Variants in ACSM3 observed in about 807,000 individuals in gnomAD.
The protein encoded by ACSM3 is acyl-coenzyme A synthetase ACSM3, mitochondrial.
In ACSM3, 61 loss-of-function variants were observed where a neutral mutation model predicts 74.1. The observed-to-expected ratio is 0.82, with a 90% CI of 0.67 to 1.02. ACSM3 has a LOEUF of 1.02. ACSM3 is among the 50% of genes least tolerant of loss of function. The pLI is 0.00. For synonymous variants in ACSM3, 213 were observed against 241.5 expected (o/e 0.88, Z 1.09); for missense variants, 660 against 697.0 (o/e 0.95, Z 0.60).
chr16:20,708,249 T>C (rs2079733326), intron 1 of ACSM3, among the ~76,000 whole-genome samples: 1 of 152,094 alleles, frequency 6.6e-6, no homozygotes, highest in African/African-American at 2.4e-5. Flanking sequence ...TGCAGTGAGC[T>C]GAGATCACGC....
At chr16:20,699,616 AG>A (rs1178366574) in intron 1 of ACSM3, among the ~76,000 whole-genome samples, 2 of 152,168 alleles carry the variant, frequency 1.3e-5, no homozygotes, top group African/African-American at 4.8e-5. Context: ...CTGTTACTAA[AG>A]AGAAGGAGCA....
chr16:20,704,293 C>G (rs775628999), intron 1 of ACSM3, among the ~76,000 whole-genome samples: 1 of 152,104 alleles, frequency 6.6e-6, no homozygotes, highest in Non-Finnish European at 1.5e-5. Context: ...AGTATTATTA[C>G]TACGTTTTTA....
upstream of ACSM3, among the ~76,000 whole-genome samples, chr16:20,759,348 G>C (rs1054085941): frequency 1.3e-5 from 2 of 152,140 alleles, no homozygotes; most frequent in African/African-American, 4.8e-5. Context: ...ATGAGGTCAG[G>C]AGATCGAGAC....
chr16:20,683,713 C>CTT (rs1337143481), intron 1 of ACSM3, among the ~76,000 whole-genome samples: 14 of 117,168 alleles, frequency 1.2e-4, no homozygotes, highest in Middle Eastern at 3.9e-3. Flanking sequence ...CTCTCTCTCT[C>CTT]TCTCTTTCTT....
chr16:20,776,018 G>A lies in ACSM3; in HGVS notation c.399G>A (p.Trp133Ter), dbSNP rs1466331549. The change falls in exon 3 of 14, where the codon TGG (tryptophan) becomes TGA (stop). Residue 133 changes from tryptophan (W) to a stop codon, truncating the protein, a stop_gained. Transcript: ENST00000289416. LOFTEE classifies it high-confidence loss of function. ...VILILPRVPE[W>*]WLANVACLRT... The stretch of plus-strand genomic sequence containing the variant: ...TGATTCTGCCCAGGGTCCCAGAGTG[G>A]TGGCTTGCAAATGTGGCCTGTCTGC... 1.2e-6 allele frequency: 2 copies of A among 1,614,196 alleles called. No individual in the cohort carries two copies.
At chr16:20,681,578 A>G (rs1047832264) in intron 1 of ACSM3, 3 of 152,242 alleles carry the variant, frequency 2.0e-5, no homozygotes, top group African/African-American at 4.8e-5. Context: ...AGAGGCAGTA[A>G]TAACTCAACA....
intron 1 of ACSM3, among the ~76,000 whole-genome samples, chr16:20,695,050 ACTC>A (rs2079682244): frequency 6.6e-6 from 1 of 152,306 alleles, no homozygotes; most frequent in South Asian, 2.1e-4. Flanking sequence ...AAACCAATGT[ACTC>A]CTCTTGATCA....
upstream of ACSM3, among the ~76,000 whole-genome samples, chr16:20,760,171 G>A (rs2080065684): frequency 6.6e-6 from 1 of 152,158 alleles, no homozygotes; most frequent in African/African-American, 2.4e-5. Context: ...TCATATAACA[G>A]ATAGCAGGCC....
intron 1 of ACSM3, among the ~76,000 whole-genome samples, chr16:20,708,579 A>T (rs1860269782): frequency 6.6e-6 from 1 of 152,170 alleles, no homozygotes; most frequent in South Asian, 2.1e-4. Flanking sequence ...ATACCTGCAG[A>T]CTGGAAACTA....
chr16:20,730,205 TA>T (rs2079822133), intron 1 of ACSM3, among the ~76,000 whole-genome samples: 1 of 152,064 alleles, frequency 6.6e-6, no homozygotes, highest in South Asian at 2.1e-4. Flanking sequence ...CAGTAGCTAC[TA>T]AAAAGGGGGA....
At position 20,797,075 on chromosome 16, in the gene ACSM3, T is replaced by C. The variant is rs1437242069; in HGVS notation, c.*103T>C. On this transcript the variant is annotated 3_prime_UTR_variant, in exon 14 of 14. Transcript: ENST00000289416. Reference sequence around the variant, plus strand: ...GGTCATAAAAACTGTGGTAGTATGCTTAGAAACTGTTGATTTAAAATATCT... The same window carrying C: ...GGTCATAAAAACTGTGGTAGTATGCCTAGAAACTGTTGATTTAAAATATCT... 9 of 1,449,264 alleles carry C rather than the reference T, an allele frequency of 6.2e-6. No homozygotes were observed. The highest frequency in any genetic ancestry group is 8.1e-6 in the Non-Finnish European group (9 of 1,105,490). 89.8% of individuals were successfully genotyped at this position (1,449,264 alleles called of 1,614,324 possible).
chr16:20,751,212 AT>A (rs1283685512), intron 2 of ACSM3, among the ~76,000 whole-genome samples: 1 of 152,128 alleles, frequency 6.6e-6, no homozygotes, highest in Non-Finnish European at 1.5e-5. Context: ...AGCCTTCTGT[AT>A]TTCTGCTAGA....
intron 1 of ACSM3, among the ~76,000 whole-genome samples, chr16:20,676,555 A>T (rs796551076): frequency 6.6e-6 from 1 of 152,184 alleles, no homozygotes; most frequent in Non-Finnish European, 1.5e-5. Flanking sequence ...GTGTGAATGC[A>T]ACTCAGCTTA....
At chr16:20,691,210 C>A in intron 1 of ACSM3, 1 of 1,540,818 alleles carries the variant, frequency 6.5e-7, no homozygotes, top group Non-Finnish European at 8.7e-7. Context: ...CCTCAGAAAC[C>A]AGGCACAGAG....
chr16:20,737,920 A>G lies in ACSM3; in HGVS notation c.-189-11990A>G, dbSNP rs769437686. 29 of 1,613,046 alleles carry G rather than the reference A, an allele frequency of 1.8e-5. No homozygotes were observed. The Admixed American group carries it at 3.3e-4, about 19-fold the overall frequency. ...AGTCTTCTTTTTCTTGGTTTTGTACATATCCTGGAGAATATGATGCACCAA... is the reference window on the plus strand; with the variant it reads ...AGTCTTCTTTTTCTTGGTTTTGTACGTATCCTGGAGAATATGATGCACCAA... On this transcript the variant is annotated intron_variant, in intron 1 of 3. Transcript: ENST00000561584.
intron 1 of ACSM3, among the ~76,000 whole-genome samples, chr16:20,712,921 A>G (rs1287120091): frequency 2.6e-5 from 4 of 152,000 alleles, no homozygotes; most frequent in Admixed American, 2.6e-4. Flanking sequence ...TCAAAAAAAA[A>G]AAAACAAAAA....
Position 20,796,498 on chromosome 16 carries a change from C to G in ACSM3, c.1674+9C>G, listed in dbSNP as rs762042962. 3.1e-6 allele frequency: 5 copies of G among 1,610,040 alleles called. No individual in the cohort carries two copies. The East Asian group carries it at 1.1e-4, about 36-fold the overall frequency. On this transcript the variant is annotated intron_variant, in intron 13 of 13. Transcript: ENST00000289416. The stretch of plus-strand genomic sequence containing the variant: ...ACAAATATCCCAGAAAGGTAGGCAT[C>G]CTAATTATAACGAATATTTGCTCAG...
At chr16:20,721,636 G>C (rs1460233306) in intron 1 of ACSM3, 1 of 152,192 alleles carries the variant, frequency 6.6e-6, no homozygotes, top group East Asian at 1.9e-4. Context: ...CTGCCTCTAA[G>C]AGAAGGCTAA....
At chr16:20,682,132 T>G in intron 1 of ACSM3, 1 of 894,086 alleles carries the variant, frequency 1.1e-6, no homozygotes. Flanking sequence ...TGGATGTTAA[T>G]CTGACTGGGC....
Sources: gnomAD v4.1 joint callset for allele counts (sites outside exome capture counted in the v4.1 genomes callset) on GRCh38, gnomAD v4.1.1 for gene constraint, MANE v1.5 for transcripts, NCBI Gene and HGNC (gene_info 2026-07-23, HGNC 2026-07-21) for gene names.